The following ZMIZ1 variants were observed in gnomAD, a reference collection of about 807,000 sequenced individuals.
ZMIZ1 encodes zinc finger MIZ domain-containing protein 1.
A neutral mutation model predicts 113.9 loss-of-function variants in ZMIZ1; 17 were observed. The ratio of observed to expected loss-of-function variants is 0.15; its 90% CI spans 0.10 to 0.22. ZMIZ1 has a LOEUF of 0.22. ZMIZ1 is among the 10% of genes least tolerant of loss of function. The pLI is 1.00. For synonymous variants in ZMIZ1, 607 were observed against 603.1 expected, an observed-to-expected ratio of 1.01 and a Z score of -0.09; for missense variants, 1,059 against 1,477.8, an observed-to-expected ratio of 0.72 and a Z score of 4.65.
rs569729220 is a variant in ZMIZ1, at chr10:79,212,406, A to T, written c.175-3763A>T. Among the ~76,000 whole-genome samples, 6 of 152,078 alleles carry T rather than the reference A, an allele frequency of 3.9e-5. No homozygotes were observed. In the East Asian group the frequency reaches 1.2e-3, roughly 29 times the overall value. On this transcript the variant is annotated intron_variant, in intron 6 of 24. Transcript: ENST00000334512. ...GGATGGTCTCAAACTCCTGGGTTCA[A>T]ATGATCCTCCCACCTCAGCCTCCTA... is the stretch of plus-strand genomic sequence containing the variant.
chr10:79,204,773 G>A (rs1226232548), intron 5 of ZMIZ1, among the ~76,000 whole-genome samples: 1 of 152,170 alleles, frequency 6.6e-6, no homozygotes, highest in Non-Finnish European at 1.5e-5. Flanking sequence ...TAGTTAGATG[G>A]GTGGGTGGGT....
intron 8 of ZMIZ1, among the ~76,000 whole-genome samples, chr10:79,280,538 G>A (rs1852661854): frequency 6.6e-6 from 1 of 151,398 alleles, no homozygotes; most frequent in Non-Finnish European, 1.5e-5. Context: ...GCCTCCCAAC[G>A]TGCTGGGATT....
intron 7 of ZMIZ1, among the ~76,000 whole-genome samples, chr10:79,248,726 A>G (rs1408944): frequency 0.26 from 39,300 of 152,170 alleles, 5,971 homozygotes; most frequent in South Asian, 0.43. Context: ...TCCCCACAAC[A>G]GTCCTCTGCT....
chr10:79,283,268 GC>G (rs1469618014), intron 8 of ZMIZ1, among the ~76,000 whole-genome samples: 8 of 152,190 alleles, frequency 5.3e-5, no homozygotes, highest in African/African-American at 1.9e-4. Flanking sequence ...CGGGGAACAG[GC>G]CCTGGAGCCA....
chr10:79,304,863 G>T (rs1039263566), intron 19 of ZMIZ1, among the ~76,000 whole-genome samples: 6 of 152,190 alleles, frequency 3.9e-5, no homozygotes, highest in Non-Finnish European at 7.4e-5. Context: ...GTTGAAAGGG[G>T]CTATTACAGG....
Position 79,314,310 on chromosome 10 carries a change from C to T in ZMIZ1, c.*1561C>T, listed in dbSNP as rs1351745043. 2 of 453,458 alleles carry T rather than the reference C, an allele frequency of 4.4e-6. No individual in the cohort carries two copies. Among genetic ancestry groups the T allele is most frequent in the Non-Finnish European group, 8.9e-6 (2 of 224,512 alleles). 28.1% of individuals were successfully genotyped at this position (453,458 alleles called of 1,614,324 possible). A position where few individuals can be genotyped will look rare whatever the true frequency, so the allele number is the denominator to read the frequency against. On this transcript the variant is annotated 3_prime_UTR_variant, in exon 25 of 25. Transcript: ENST00000334512. ...CCATCTGTAAATTCTTTGCGCCCTT[C>T]CCGGCTGCTGCCTGGGGCCCTTTCC...
At chr10:79,269,703 C>T (rs928358891) in intron 7 of ZMIZ1, among the ~76,000 whole-genome samples, 14 of 152,256 alleles carry the variant, frequency 9.2e-5, no homozygotes, top group African/African-American at 9.6e-5. Flanking sequence ...CATTCCTGAC[C>T]GCCAGATCTT....
At chr10:79,086,855 G>T (rs1040236904) in intron 1 of ZMIZ1, among the ~76,000 whole-genome samples, 1 of 151,928 alleles carries the variant, frequency 6.6e-6, no homozygotes, top group Non-Finnish European at 1.5e-5. Context: ...TAAAACTAGG[G>T]TTTCCTGAAT....
At chr10:79,304,228 G>A (rs1216821328) in intron 19 of ZMIZ1, 53 bp downstream of exon 19, 40 of 1,582,124 alleles carry the variant, frequency 2.5e-5, no homozygotes, top group African/African-American at 1.3e-4. Flanking sequence ...CTCTGGCTGG[G>A]ATGGTGAGGG....
Position 79,313,507 on chromosome 10 carries a change from T to A in ZMIZ1, c.*758T>A, listed in dbSNP as rs1564613368. 2.5e-5 allele frequency: 4 copies of A among 160,088 alleles called. No individual in the cohort carries two copies. The highest frequency in any genetic ancestry group is 2.4e-4 in the Admixed American group (4 of 16,378). 9.9% of individuals were successfully genotyped at this position (160,088 alleles called of 1,614,324 possible). ...TTCTGAGCCAGGACGTCCCTGAGGC[T>A]CCACCTCCAAGCTCAGACAGGGCCC... On this transcript the variant is annotated 3_prime_UTR_variant, in exon 25 of 25. Transcript: ENST00000334512.
intron 8 of ZMIZ1, among the ~76,000 whole-genome samples, 167 bp downstream of exon 8, chr10:79,277,492 C>G (rs531350992): frequency 6.6e-6 from 1 of 152,284 alleles, no homozygotes; most frequent in Non-Finnish European, 1.5e-5. Context: ...CCTGTTTCTC[C>G]CTCTCAAACA....
intron 2 of ZMIZ1, among the ~76,000 whole-genome samples, chr10:79,126,149 A>G (rs138190763): frequency 2.1e-3 from 324 of 152,306 alleles, no homozygotes; most frequent in African/African-American, 7.5e-3. Flanking sequence ...TTATCCTGTC[A>G]TCCATTTACC....
At chr10:79,175,373 T>C (rs549377050) in intron 4 of ZMIZ1, among the ~76,000 whole-genome samples, 110 of 152,310 alleles carry the variant, frequency 7.2e-4, no homozygotes, top group African/African-American at 2.6e-3. Flanking sequence ...CTCGTGATCA[T>C]GCCTGTATTT....
rs1842149685 is a variant in ZMIZ1, at chr10:79,068,988, A to C, written c.-619A>C. 6.6e-6 allele frequency: 1 copy of C among 151,700 alleles called. No individual in the cohort carries two copies. The highest frequency in any genetic ancestry group is 6.6e-5 in the Admixed American group (1 of 15,150). 9.4% of individuals were successfully genotyped at this position (151,700 alleles called of 1,614,324 possible). A position where few individuals can be genotyped will look rare whatever the true frequency, so the allele number is the denominator to read the frequency against. On this transcript the variant is annotated 5_prime_UTR_variant, in exon 1 of 25. Coordinates refer to ENST00000334512, the MANE Select transcript of ZMIZ1 (RefSeq NM_020338.4). Reference sequence around the variant, plus strand: ...TTCACTTACTCACCCCCTAACGCCGAGTTCCTTTTCACTGTCTGTGGACAT... The same window carrying C: ...TTCACTTACTCACCCCCTAACGCCGCGTTCCTTTTCACTGTCTGTGGACAT...
At chr10:79,134,821 A>G (rs1485172676) in intron 2 of ZMIZ1, among the ~76,000 whole-genome samples, 1 of 152,168 alleles carries the variant, frequency 6.6e-6, no homozygotes, top group Non-Finnish European at 1.5e-5. Flanking sequence ...AAAGTGATAT[A>G]AATAATTAAA....
At position 79,296,541 on chromosome 10, in the gene ZMIZ1, C is replaced by T. The variant is rs1222436627; in HGVS notation, c.1301C>T (p.Pro434Leu). Residue 434 changes from proline to leucine, a missense_variant, in exon 13 of 25, where the codon CCC (proline) becomes CTC (leucine). Physicochemically the swap from Pro to Leu is moderately conservative, Grantham distance 98. Around this residue, in one of 6 missense-constraint regions of ZMIZ1, gnomAD observed 239 missense variants for 247.5 expected, o/e 0.97. Coordinates refer to ENST00000334512, the MANE Select transcript of ZMIZ1 (RefSeq NM_020338.4). This position sits in a 1 kb window ranked among gnomAD's most constrained non-coding sequence, Gnocchi z 4.1. ...ACCCAGCCAGGCCAGTACCCAGCCC[C>T]CAACCCCCCGAGGCCACTCACCTCC... Reference protein sequence around the residue: ...FPTQPGQYPAPNPPRPLTSPN... With the variant: ...FPTQPGQYPALNPPRPLTSPN... 7.4e-6 allele frequency: 12 copies of T among 1,613,688 alleles called. No individual in the cohort carries two copies. The highest frequency in any genetic ancestry group is 9.3e-6 in the Non-Finnish European group (11 of 1,179,736).
intron 7 of ZMIZ1, among the ~76,000 whole-genome samples, chr10:79,231,127 G>A (rs1468541978): frequency 2.0e-5 from 3 of 152,206 alleles, no homozygotes; most frequent in Non-Finnish European, 4.4e-5. Context: ...AGTGATCAGG[G>A]GCACCAGAGT....
Position 79,314,109 on chromosome 10 carries a change from T to C in ZMIZ1, c.*1360T>C. 2.2e-6 allele frequency: 1 copy of C among 456,928 alleles called. No individual in the cohort carries two copies. Among genetic ancestry groups the C allele is most frequent in the Non-Finnish European group, 4.4e-6 (1 of 226,976 alleles). The allele number at this position is 456,928 out of a possible 1,614,324, so 28.3% of individuals were successfully genotyped here. A position where few individuals can be genotyped will look rare whatever the true frequency, so the allele number is the denominator to read the frequency against. On this transcript the variant is annotated 3_prime_UTR_variant, in exon 25 of 25. Transcript: ENST00000334512. ...ACCATCACAATCTCACCCAAACTCC[T>C]GCTCACTCAAGCAAAAGCAGCCTCT...
At chr10:79,119,982 G>A (rs1844217270) in intron 2 of ZMIZ1, among the ~76,000 whole-genome samples, 1 of 121,030 alleles carries the variant, frequency 8.3e-6, no homozygotes, top group South Asian at 3.8e-4. Context: ...CTGCTCCGTG[G>A]AGAAACAGAA....
Sources: allele counts gnomAD v4.1 joint callset (sites outside exome capture counted in the v4.1 genomes callset), GRCh38; gene constraint gnomAD v4.1.1; regional missense constraint gnomAD v4.1.1; non-coding constraint Gnocchi (gnomAD v3.1); transcripts MANE v1.5; gene names NCBI Gene and HGNC (gene_info 2026-07-23, HGNC 2026-07-21).